EDA: variants seen among roughly 807,000 people sequenced by gnomAD.
EDA encodes the protein ectodysplasin A.
EDA carries 2 observed loss-of-function variants against 23.6 expected under a neutral mutation model. That is an observed-to-expected ratio of 0.08 (90% confidence interval 0.03 to 0.27). EDA has a LOEUF of 0.27. Among genes scored for constraint, EDA ranks in the 10% least tolerant of loss-of-function variants. The pLI is 1.00. For missense variants in EDA, 229 were observed against 324.2 expected (o/e 0.71, Z 2.26); for synonymous variants, 131 against 132.0 (o/e 0.99, Z 0.05).
At chrX:69,727,398 C>T (rs1236606043) in intron 1 of EDA, among the ~76,000 whole-genome samples, 1 of 112,143 alleles carries the variant, frequency 8.9e-6, no homozygotes, top group Non-Finnish European at 1.9e-5. Flanking sequence ...GAACTGCCCT[C>T]TACTACCCAG....
At chrX:69,862,533 C>T (rs936992894) in intron 1 of EDA, among the ~76,000 whole-genome samples, 1 of 111,586 alleles carries the variant, frequency 9.0e-6, no homozygotes, top group African/African-American at 3.3e-5. Context: ...CAGTCTCAAC[C>T]TCCTGGGCTC....
At chrX:69,648,172 G>T (rs777759526) in intron 1 of EDA, among the ~76,000 whole-genome samples, 2 of 112,152 alleles carry the variant, frequency 1.8e-5, no homozygotes, top group Non-Finnish European at 3.8e-5. Flanking sequence ...GGAAGAATGG[G>T]ATCAGAAGCC....
chrX:69,831,886 C>CT (rs1268484934), intron 1 of EDA, among the ~76,000 whole-genome samples: 2 of 109,772 alleles, frequency 1.8e-5, no homozygotes, highest in African/African-American at 3.3e-5. Flanking sequence ...TTTGATGCAG[C>CT]TTTTTTTTTC....
At chrX:69,724,677 T>A (rs1227861190) in intron 1 of EDA, among the ~76,000 whole-genome samples, 1 of 112,033 alleles carries the variant, frequency 8.9e-6, no homozygotes, top group Non-Finnish European at 1.9e-5. Flanking sequence ...GGTATCTTTG[T>A]GGGATGGTTA....
At chrX:69,665,590 C>T (rs940317901) in intron 1 of EDA, among the ~76,000 whole-genome samples, 1 of 111,042 alleles carries the variant, frequency 9.0e-6, no homozygotes, top group Admixed American at 9.7e-5. Flanking sequence ...CTCTTGGTGC[C>T]GTTGTCACAA....
chrX:69,661,963 G>C (rs1410313791), intron 1 of EDA, among the ~76,000 whole-genome samples: 1 of 111,143 alleles, frequency 9.0e-6, no homozygotes, highest in Admixed American at 9.6e-5. Flanking sequence ...CTATTTTTTT[G>C]TTTCTGTAGC....
At chrX:69,988,990 A>G (rs368794644) in intron 2 of EDA, among the ~76,000 whole-genome samples, 70 of 112,217 alleles carry the variant, frequency 6.2e-4, no homozygotes, top group African/African-American at 2.0e-3. Context: ...AATGAGACTG[A>G]AAGAGGCAGC....
chrX:69,938,037 C>G (rs2018700733), intron 1 of EDA: 1 of 1,137,720 alleles, frequency 8.8e-7, no homozygotes, highest in Admixed American at 2.3e-5. Flanking sequence ...ACAAGGGAGT[C>G]TAGATGCCAA....
intron 1 of EDA, among the ~76,000 whole-genome samples, chrX:69,678,199 G>A (rs1477933250): frequency 7.2e-5 from 8 of 110,422 alleles, no homozygotes; most frequent in African/African-American, 2.3e-4. Flanking sequence ...TTTGGTACCA[G>A]TACCATGCTG....
At chrX:69,865,941 G>A (rs1164104821) in intron 1 of EDA, among the ~76,000 whole-genome samples, 1 of 112,454 alleles carries the variant, frequency 8.9e-6, no homozygotes, top group African/African-American at 3.2e-5. Flanking sequence ...CTTAGTACAA[G>A]TATATAAATG....
intron 1 of EDA, among the ~76,000 whole-genome samples, chrX:69,654,756 A>C (rs1425589210): frequency 1.1e-5 from 1 of 90,470 alleles, no homozygotes; most frequent in Non-Finnish European, 2.1e-5. Context: ...ATGAGAACAC[A>C]TGGACACAGG....
In EDA at chrX:69,785,926, G is replaced by A. The variant is rs867436281; in HGVS notation, c.396+169222G>A. On this transcript the variant is annotated intron_variant, in intron 1 of 7. Transcript: ENST00000374552. ...CGGCTGTGAATCCATCTGGTCCTGG[G>A]CTCTTTTTGGTTGGTAAGCTATTGA... 7.0e-3 allele frequency among the ~76,000 whole-genome samples: 776 copies of A among 110,165 alleles called. 6 individuals are homozygous for A. The highest frequency in any genetic ancestry group is 0.024 in the African/African-American group (727 of 30,296).
chrX:69,646,995 T>A (rs1932941558), intron 1 of EDA, among the ~76,000 whole-genome samples: 1 of 112,010 alleles, frequency 8.9e-6, no homozygotes, highest in Non-Finnish European at 1.9e-5. Context: ...GAATTTCTTT[T>A]CTTTAAGTAC....
intron 1 of EDA, among the ~76,000 whole-genome samples, chrX:69,618,130 A>G (rs1452279877): frequency 8.9e-6 from 1 of 111,752 alleles, no homozygotes; most frequent in Non-Finnish European, 1.9e-5. Context: ...CCCACACCCC[A>G]ATGCCCAGCA....
At chrX:69,652,995 T>A (rs1281821747) in intron 1 of EDA, among the ~76,000 whole-genome samples, 1 of 111,703 alleles carries the variant, frequency 9.0e-6, no homozygotes, top group Non-Finnish European at 1.9e-5. Context: ...TTTAAAGTAG[T>A]TTTTTCCAAT....
At chrX:69,925,011 G>A (rs10178993) in intron 1 of EDA, among the ~76,000 whole-genome samples, 2 of 111,966 alleles carry the variant, frequency 1.8e-5, no homozygotes, top group Non-Finnish European at 3.8e-5. Flanking sequence ...TGTATTCTGA[G>A]ACTTTGCTGA....
At chrX:69,809,043 A>G (rs1475836532) in intron 1 of EDA, among the ~76,000 whole-genome samples, 1 of 111,398 alleles carries the variant, frequency 9.0e-6, no homozygotes, top group Non-Finnish European at 1.9e-5. Context: ...ATTGGGCCAC[A>G]TTTACTATTT....
rs760979664 is a variant in EDA at position 69,870,578 on chromosome X, A to G, written c.397-86449A>G. Among the ~76,000 whole-genome samples, 4 of 111,078 alleles carry G rather than the reference A, an allele frequency of 3.6e-5. No individual in the cohort carries two copies. The South Asian group carries it at 1.6e-3, about 43-fold the overall frequency. On this transcript the variant is annotated intron_variant, in intron 1 of 7. Coordinates refer to ENST00000374552, the MANE Select transcript of EDA (RefSeq NM_001399.5). ...CAAAGGTGGACAAGCTGATGGCAGC[A>G]TAGGTCAGGGAGGGGACGTTGCCAC...
At chrX:69,768,858 T>C (rs2014546819) in intron 1 of EDA, among the ~76,000 whole-genome samples, 2 of 111,917 alleles carry the variant, frequency 1.8e-5, no homozygotes, top group Admixed American at 9.5e-5. Context: ...TCCCCCAAAA[T>C]ATTGATTATG....
Sources: gnomAD v4.1 joint callset for allele counts (sites outside exome capture counted in the v4.1 genomes callset) on GRCh38, gnomAD v4.1.1 for gene constraint, MANE v1.5 for transcripts, NCBI Gene and HGNC (gene_info 2026-07-23, HGNC 2026-07-21) for gene names.